Variants in PAK5 observed in about 807,000 individuals in gnomAD.
The protein encoded by PAK5 is p21 (RAC1) activated kinase 5, also known as serine/threonine-protein kinase PAK 5.
Under a neutral mutation model 65.9 loss-of-function variants are expected in PAK5, and 16 were observed. The observed-to-expected ratio is 0.24, with a 90% confidence interval of 0.16 to 0.37. The LOEUF (loss-of-function observed/expected upper bound fraction) is 0.37, where lower values mean the gene tolerates loss of function less well. PAK5 is among the 10% of genes least tolerant of loss of function. PAK5 has a pLI of 1.00. For missense variants in PAK5, 785 were observed against 903.9 expected, an observed-to-expected ratio of 0.87 and a Z score of 1.69; for synonymous variants, 371 against 354.9, an observed-to-expected ratio of 1.05 and a Z score of -0.51.
intron 1 of PAK5, among the ~76,000 whole-genome samples, chr20:9,754,590 G>A (rs2048612846): frequency 6.6e-6 from 1 of 152,182 alleles, no homozygotes; most frequent in Admixed American, 6.6e-5. Flanking sequence ...TTAGAATCTT[G>A]TGGTCTCTAG....
intron 2 of PAK5, among the ~76,000 whole-genome samples, chr20:9,705,820 T>C (rs2047999615): frequency 6.6e-6 from 1 of 152,224 alleles, no homozygotes; most frequent in Non-Finnish European, 1.5e-5. Context: ...TAGATTGTGA[T>C]ATATTAACAC....
intron 3 of PAK5, among the ~76,000 whole-genome samples, chr20:9,616,404 A>G (rs1398779393): frequency 6.6e-6 from 1 of 152,176 alleles, no homozygotes; most frequent in African/African-American, 2.4e-5. Flanking sequence ...ATCCTTCCAG[A>G]CTATTTTATG....
intron 2 of PAK5, among the ~76,000 whole-genome samples, chr20:9,705,521 TGTAAAATCGATCATATGTG>T (rs1481215351): frequency 5.3e-5 from 8 of 152,142 alleles, no homozygotes; most frequent in African/African-American, 1.4e-4. Context: ...TGTATTATGT[TGTAAAATCGATCATATGTG>T]TATTCAGGGT....
chr20:9,641,949 C>G (rs1471940240), intron 3 of PAK5, among the ~76,000 whole-genome samples: 1 of 152,084 alleles, frequency 6.6e-6, no homozygotes, highest in East Asian at 1.9e-4. Flanking sequence ...GCATGCAGCC[C>G]CGGTTCCCAC....
At chr20:9,754,269 C>G (rs1396138939) in intron 1 of PAK5, among the ~76,000 whole-genome samples, 1 of 152,116 alleles carries the variant, frequency 6.6e-6, no homozygotes, top group African/African-American at 2.4e-5. Context: ...AACTTTAATT[C>G]ACCTTATTGC....
intron 1 of PAK5, among the ~76,000 whole-genome samples, chr20:9,770,557 G>A (rs1424134342): frequency 1.3e-5 from 2 of 152,236 alleles, no homozygotes; most frequent in East Asian, 1.9e-4. Flanking sequence ...GGTGAGTGTA[G>A]GCAAGATGGG....
chr20:9,835,705 T>C (rs1333830087), intron 1 of PAK5, among the ~76,000 whole-genome samples: 2 of 152,058 alleles, frequency 1.3e-5, no homozygotes, highest in Non-Finnish European at 2.9e-5. Context: ...TCAAGATGTA[T>C]TTAGAGATCT....
intron 2 of PAK5, among the ~76,000 whole-genome samples, chr20:9,650,448 T>C (rs2047188887): frequency 6.6e-6 from 1 of 152,178 alleles, no homozygotes; most frequent in South Asian, 2.1e-4. Context: ...AGGTTGGGTA[T>C]TTATTACCCT....
intron 2 of PAK5, among the ~76,000 whole-genome samples, chr20:9,676,879 GCA>G (rs2047580134): frequency 2.6e-5 from 4 of 152,136 alleles, no homozygotes; most frequent in African/African-American, 9.7e-5. Context: ...GTGCATTAAT[GCA>G]TATCTGATAT....
intron 1 of PAK5, among the ~76,000 whole-genome samples, chr20:9,807,221 G>C (rs2049243519): frequency 6.6e-6 from 1 of 152,252 alleles, no homozygotes; most frequent in East Asian, 1.9e-4. Flanking sequence ...TGGGGATTGA[G>C]ATGTAGACAT....
At chr20:9,768,790 CAAAAAAAAAA>C (rs35432047) in intron 1 of PAK5, among the ~76,000 whole-genome samples, 2 of 34,876 alleles carry the variant, frequency 5.7e-5, no homozygotes, top group African/African-American at 1.9e-4. Flanking sequence ...GACTCCATCG[CAAAAAAAAAA>C]AAAAAAAAAA....
intron 2 of PAK5, among the ~76,000 whole-genome samples, chr20:9,697,598 T>G (rs1452654648): frequency 6.6e-6 from 1 of 152,158 alleles, no homozygotes; most frequent in Non-Finnish European, 1.5e-5. Flanking sequence ...GTCTTTCATT[T>G]ACTAATTTTG....
At chr20:9,751,188 G>A (rs2048573139) in intron 1 of PAK5, among the ~76,000 whole-genome samples, 1 of 152,098 alleles carries the variant, frequency 6.6e-6, no homozygotes, top group African/African-American at 2.4e-5. Context: ...TAGTGTCTTT[G>A]AAACACTATG....
intron 1 of PAK5, among the ~76,000 whole-genome samples, chr20:9,768,801 A>C (rs2048800496): frequency 6.8e-6 from 1 of 146,586 alleles, no homozygotes; most frequent in Non-Finnish European, 1.5e-5. Context: ...AAAAAAAAAA[A>C]AAAAAAAAAG....
At chr20:9,641,905 G>A (rs1000270578) in intron 3 of PAK5, among the ~76,000 whole-genome samples, 1 of 152,128 alleles carries the variant, frequency 6.6e-6, no homozygotes, top group Non-Finnish European at 1.5e-5. Flanking sequence ...CCAAGCCCAC[G>A]CCCACCCGGA....
At chr20:9,555,159 A>G (rs1379183696) in intron 7 of PAK5, among the ~76,000 whole-genome samples, 1 of 152,232 alleles carries the variant, frequency 6.6e-6, no homozygotes, top group African/African-American at 2.4e-5. Flanking sequence ...TAGGATTTAG[A>G]ACTGTCTGTT....
intron 2 of PAK5, among the ~76,000 whole-genome samples, chr20:9,703,485 TTGAGGCCC>T (rs2047965739): frequency 6.6e-6 from 1 of 152,106 alleles, no homozygotes; most frequent in African/African-American, 2.4e-5. Flanking sequence ...GTGCAGGGGA[TTGAGGCCC>T]TGTGTTTTGG....
intron 1 of PAK5, among the ~76,000 whole-genome samples, chr20:9,801,389 A>T (rs1457426720): frequency 2.0e-5 from 3 of 151,620 alleles, no homozygotes; most frequent in Non-Finnish European, 4.4e-5. Context: ...TTTTTTTCCC[A>T]AGTGACTAAT....
intron 3 of PAK5, among the ~76,000 whole-genome samples, chr20:9,607,575 C>A (rs921477772): frequency 6.6e-6 from 1 of 152,082 alleles, no homozygotes; most frequent in Non-Finnish European, 1.5e-5. Context: ...ACCTGTAATC[C>A]CAGCACTTTG....
Sources: allele counts gnomAD v4.1 joint callset (sites outside exome capture counted in the v4.1 genomes callset), GRCh38; gene constraint gnomAD v4.1.1; transcripts MANE v1.5; gene names NCBI Gene and HGNC (gene_info 2026-07-23, HGNC 2026-07-21).